Variants in METTL14 observed in about 807,000 individuals in gnomAD.
The protein encoded by METTL14 is methyltransferase 14, N6-adenosine-methyltransferase non-catalytic subunit, also known as N(6)-adenosine-methyltransferase non-catalytic subunit METTL14.
A neutral mutation model predicts 62.4 loss-of-function variants in METTL14; 32 were observed. The observed-to-expected ratio is 0.51, with a 90% CI of 0.39 to 0.69. METTL14 has a LOEUF of 0.69. Ranked by LOEUF, METTL14 falls within the 30% of genes least tolerant of loss-of-function variation. METTL14 has a pLI of 0.00. For synonymous variants in METTL14, 150 were observed against 180.0 expected, an observed-to-expected ratio of 0.83 and a Z score of 1.34; for missense variants, 340 against 551.9, an observed-to-expected ratio of 0.62 and a Z score of 3.85.
rs1724285423 is a variant in METTL14 at position 118,692,643 on chromosome 4, G to A, written c.412+575G>A. Among the ~76,000 whole-genome samples, 4 of 151,848 alleles carry A rather than the reference G, an allele frequency of 2.6e-5. No homozygotes were observed. In the South Asian group the frequency reaches 6.2e-4, roughly 24 times the overall value. ...CTTTTTGGCTCCAGTTTGGTATTATGCCTATTCTTGCATTTTAGACAGATT... is the reference window on the plus strand; with the variant it reads ...CTTTTTGGCTCCAGTTTGGTATTATACCTATTCTTGCATTTTAGACAGATT... On this transcript the variant is annotated intron_variant, in intron 5 of 10. Coordinates refer to ENST00000388822, the MANE Select transcript of METTL14 (RefSeq NM_020961.4).
At chr4:118,700,524 T>G (rs1446925088) in intron 7 of METTL14, 26 bp from the exon 8 acceptor site, 1 of 1,552,538 alleles carries the variant, frequency 6.4e-7, no homozygotes. Flanking sequence ...AATACTTTTA[T>G]GCAATATCGT....
At chr4:118,686,724 A>G (rs1183724095) in intron 1 of METTL14, 1 of 447,360 alleles carries the variant, frequency 2.2e-6, no homozygotes, top group Non-Finnish European at 4.5e-6. Flanking sequence ...TGTTGCTACC[A>G]CAGAAGACGT....
Position 118,691,592 on chromosome 4 carries a change from G to A in METTL14, c.304G>A (p.Asp102Asn), listed in dbSNP as rs1341485463. The A allele has an allele frequency of 6.5e-7, 1 of 1,535,002 alleles. No individual in the cohort carries two copies. The highest frequency in any genetic ancestry group is 2.0e-5 in the Admixed American group (1 of 50,544). ...NLPYEEEIYK[D>N]SSTFLKGTQS... ...GCCATATGAAGAAGAGATTTACAAA[G>A]ATTCTAGTACTTTTCTTAAGGTAAA... Residue 102 changes from aspartate (D) to asparagine (N), a missense_variant, in exon 4 of 11, where the codon GAT becomes AAT. Physicochemically the swap from Asp to Asn is conservative, Grantham distance 23. Transcript: ENST00000388822.
rs189417578 is a variant in METTL14, at chr4:118,695,276, T to C, written c.503+750T>C. Among the ~76,000 whole-genome samples the C allele has an allele frequency of 1.6e-4, 24 of 152,170 alleles. 1 individual carries two copies. The highest frequency in any genetic ancestry group is 1.5e-3 in the Admixed American group (23 of 15,268). ...TCTTAAAAGTCATCCAAGTCGGGCA[T>C]GGTGGCTCACCCCTCTAATCCCAGC... On this transcript the variant is annotated intron_variant, in intron 6 of 10. Transcript: ENST00000388822.
At chr4:118,700,145 T>C (rs2110405375) in intron 7 of METTL14, among the ~76,000 whole-genome samples, 1 of 152,194 alleles carries the variant, frequency 6.6e-6, no homozygotes, top group East Asian at 1.9e-4. Context: ...TCCCGAAACA[T>C]TTATTGTTAT....
chr4:118,690,363 G>A (rs1724209505), intron 3 of METTL14, among the ~76,000 whole-genome samples: 1 of 151,464 alleles, frequency 6.6e-6, no homozygotes, highest in African/African-American at 2.4e-5. Context: ...TATTCTTAAA[G>A]ATGACTGAGG....
intron 1 of METTL14, 95 bp from the exon 2 acceptor site, chr4:118,687,827 GT>G (rs1406085752): frequency 1.4e-5 from 12 of 857,022 alleles, no homozygotes; most frequent in Non-Finnish European, 2.0e-5. Context: ...AGGTGTTTTT[GT>G]TTTTTAAGTA....
chr4:118,695,298 C>A (rs2110467703), intron 6 of METTL14, among the ~76,000 whole-genome samples: 1 of 152,202 alleles, frequency 6.6e-6, no homozygotes, highest in Admixed American at 6.5e-5. Context: ...CCTCTAATCC[C>A]AGCACATTGG....
chr4:118,705,380 C>T (rs958965840), intron 9 of METTL14, among the ~76,000 whole-genome samples: 3 of 151,924 alleles, frequency 2.0e-5, no homozygotes, highest in Non-Finnish European at 4.4e-5. Context: ...GAGGCTGAGG[C>T]GGGGGATTGC....
At chr4:118,701,185 T>TTG (rs1724578577) in intron 8 of METTL14, among the ~76,000 whole-genome samples, 1 of 149,808 alleles carries the variant, frequency 6.7e-6, no homozygotes, top group Admixed American at 6.6e-5. Context: ...TTTTTTTTGT[T>TTG]TTTTTTTGTT....
chr4:118,715,092 A>C lies in METTL14; in HGVS notation c.*4790A>C, dbSNP rs1272001288. ...ATTGCCGTATAATGATGTCATTGCA[A>C]GCCATTCATCTATCCAATGGGGGAA... On this transcript the variant is annotated 3_prime_UTR_variant, in exon 11 of 11. Transcript: ENST00000388822. 6.6e-6 allele frequency: 1 copy of C among 152,274 alleles called. No individual in the cohort carries two copies. Among genetic ancestry groups the C allele is most frequent in the Non-Finnish European group, 1.5e-5 (1 of 68,056 alleles). The allele number at this position is 152,274 out of a possible 1,614,324, so 9.4% of individuals were successfully genotyped here.
chr4:118,692,226 CTTTT>C (rs11387432), intron 5 of METTL14, among the ~76,000 whole-genome samples, 158 bp downstream of exon 5: 2 of 131,440 alleles, frequency 1.5e-5, no homozygotes, highest in African/African-American at 2.8e-5. Flanking sequence ...CTTTTCTTTT[CTTTT>C]TTTTTTTTTT....
At chr4:118,703,593 T>C (rs773627034) in intron 8 of METTL14, among the ~76,000 whole-genome samples, 1 of 152,236 alleles carries the variant, frequency 6.6e-6, no homozygotes, top group African/African-American at 2.4e-5. Flanking sequence ...TTGGATTGTT[T>C]TGTGATTACA....
At chr4:118,695,701 A>G (rs1202223062) in intron 6 of METTL14, among the ~76,000 whole-genome samples, 1 of 152,248 alleles carries the variant, frequency 6.6e-6, no homozygotes, top group Non-Finnish European at 1.5e-5. Flanking sequence ...AATTTGGAAT[A>G]TGATAATTCA....
At position 118,711,953 on chromosome 4, in the gene METTL14, C is replaced by T. The variant is rs1032734854; in HGVS notation, c.*1651C>T. 1 of 152,132 alleles carries T rather than the reference C, an allele frequency of 6.6e-6. No individual in the cohort carries two copies. The highest frequency in any genetic ancestry group is 2.4e-5 in the African/African-American group (1 of 41,424). The allele number at this position is 152,132 out of a possible 1,614,324, so 9.4% of individuals were successfully genotyped here. On this transcript the variant is annotated 3_prime_UTR_variant, in exon 11 of 11. Transcript: ENST00000388822. ...GGTGACATTCCTGCTGTTTACATGG[C>T]ATAGGCACCTGTGAGATCAGTGTCA...
chr4:118,688,758 C>T (rs1724153102), intron 2 of METTL14, among the ~76,000 whole-genome samples: 2 of 152,164 alleles, frequency 1.3e-5, no homozygotes. Context: ...ACTGCAACCT[C>T]CGCCTCCAGG....
At chr4:118,697,618 A>G (rs1724452512) in intron 7 of METTL14, among the ~76,000 whole-genome samples, 1 of 152,174 alleles carries the variant, frequency 6.6e-6, no homozygotes, top group Non-Finnish European at 1.5e-5. Flanking sequence ...GTTTAAAAAC[A>G]GATGGAATGA....
At chr4:118,701,671 T>C (rs1326330457) in intron 8 of METTL14, among the ~76,000 whole-genome samples, 1 of 152,208 alleles carries the variant, frequency 6.6e-6, no homozygotes, top group Non-Finnish European at 1.5e-5. Context: ...CACATTTTAT[T>C]GGTTGACACT....
At chr4:118,707,308 G>C (rs963325238) in intron 10 of METTL14, among the ~76,000 whole-genome samples, 1 of 152,166 alleles carries the variant, frequency 6.6e-6, no homozygotes, top group African/African-American at 2.4e-5. Context: ...GGATCAAAGT[G>C]TAGATGTTTG....
Sources: allele counts gnomAD v4.1 joint callset (sites outside exome capture counted in the v4.1 genomes callset), GRCh38; gene constraint gnomAD v4.1.1; transcripts MANE v1.5; gene names NCBI Gene and HGNC (gene_info 2026-07-23, HGNC 2026-07-21).